The following CAST variants were observed in gnomAD, a reference collection of about 807,000 sequenced individuals.
CAST encodes the protein MIR583 host.
CAST carries 76 observed loss-of-function variants against 119.6 expected under a neutral mutation model. The ratio of observed to expected loss-of-function variants is 0.64; its 90% CI spans 0.53 to 0.77. The LOEUF (loss-of-function observed/expected upper bound fraction) is 0.77, where lower values mean the gene tolerates loss of function less well. CAST is among the 30% of genes least tolerant of loss of function. The pLI, the probability that CAST is intolerant of heterozygous loss-of-function variation, is 0.00. For synonymous variants in CAST, 319 were observed against 331.6 expected (o/e 0.96, Z 0.41); for missense variants, 953 against 946.5 (o/e 1.01, Z -0.09).
chr5:96,468,341 C>T, the CAST span, among the ~76,000 whole-genome samples: 1 of 152,022 alleles, frequency 6.6e-6, no homozygotes, highest in Non-Finnish European at 1.5e-5. Flanking sequence ...ACAATTCATC[C>T]ATGTAACCAA....
chr5:95,994,717 A>G, the CAST span, among the ~76,000 whole-genome samples: 1 of 152,164 alleles, frequency 6.6e-6, no homozygotes, highest in Admixed American at 6.6e-5. Context: ...AGAAAAAGTT[A>G]ATTGTACCTA....
the CAST span, among the ~76,000 whole-genome samples, chr5:96,386,462 G>A: frequency 1.3e-5 from 2 of 152,118 alleles, no homozygotes; most frequent in African/African-American, 2.4e-5. Flanking sequence ...CAATTCACGA[G>A]GCCACATAAT....
the CAST span, among the ~76,000 whole-genome samples, chr5:96,332,410 T>G: frequency 6.6e-6 from 1 of 151,506 alleles, no homozygotes; most frequent in Non-Finnish European, 1.5e-5. Context: ...TTAAATTGAT[T>G]TCGGCTTTTT....
chr5:96,425,747 A>G, the CAST span: 20 of 814,022 alleles, frequency 2.5e-5, no homozygotes. Context: ...AAAAAAATCC[A>G]TGTTGCAAAT....
intron 1 of CAST, among the ~76,000 whole-genome samples, chr5:96,640,578 A>C (rs2150203260): frequency 6.6e-6 from 1 of 152,294 alleles, no homozygotes; most frequent in South Asian, 2.1e-4. Context: ...CCTTTCCACA[A>C]GAGCCCTTGG....
At chr5:96,104,355 T>A in the CAST span, among the ~76,000 whole-genome samples, 1 of 152,254 alleles carries the variant, frequency 6.6e-6, no homozygotes, top group African/African-American at 2.4e-5. Flanking sequence ...TTCTAGGGTT[T>A]TTATGGTTTT....
upstream of CAST, among the ~76,000 whole-genome samples, chr5:96,522,894 C>T (rs1332037654): frequency 2.0e-5 from 3 of 152,176 alleles, no homozygotes; most frequent in African/African-American, 4.8e-5. Flanking sequence ...AAGGGAGAGT[C>T]GGGCACCCAA....
the CAST span, among the ~76,000 whole-genome samples, chr5:96,021,490 G>A: frequency 6.6e-6 from 1 of 151,760 alleles, no homozygotes; most frequent in Non-Finnish European, 1.5e-5. Flanking sequence ...CTGTTGCCCA[G>A]GCTGGAGTGC....
chr5:96,248,352 G>A, the CAST span, among the ~76,000 whole-genome samples: 2 of 152,208 alleles, frequency 1.3e-5, no homozygotes, highest in South Asian at 2.1e-4. Flanking sequence ...AGCTAAATGA[G>A]ATAGTATCCA....
chr5:96,198,927 A>C, the CAST span, among the ~76,000 whole-genome samples: 1 of 152,144 alleles, frequency 6.6e-6, no homozygotes, highest in Non-Finnish European at 1.5e-5. Context: ...GTTCCATATC[A>C]TTCCTAGACT....
chr5:96,655,786 G>T (rs950901183), intron 1 of CAST, among the ~76,000 whole-genome samples: 4 of 152,194 alleles, frequency 2.6e-5, no homozygotes, highest in African/African-American at 9.7e-5. Context: ...AACAGAAGTT[G>T]AATATCAGAA....
the CAST span, among the ~76,000 whole-genome samples, chr5:96,297,830 G>T: frequency 2.0e-5 from 3 of 151,944 alleles, no homozygotes; most frequent in South Asian, 6.2e-4. Context: ...AGTTTATGGT[G>T]TCTTTCCTAT....
chr5:96,589,314 A>T (rs978850944), intron 1 of CAST, among the ~76,000 whole-genome samples: 16 of 152,192 alleles, frequency 1.1e-4, no homozygotes, highest in Non-Finnish European at 2.9e-5. Context: ...TCTGGCAAAA[A>T]TTTCCAAAAT....
the CAST span, among the ~76,000 whole-genome samples, chr5:95,975,357 C>T: frequency 6.6e-6 from 1 of 152,110 alleles, no homozygotes; most frequent in Non-Finnish European, 1.5e-5. Context: ...CTTTAGGTCC[C>T]TGGGCCCCAG....
At chr5:96,488,110 G>C in the CAST span, among the ~76,000 whole-genome samples, 1 of 152,168 alleles carries the variant, frequency 6.6e-6, no homozygotes, top group Admixed American at 6.5e-5. Flanking sequence ...CTTCAGAACA[G>C]AATCAAGTGA....
the CAST span, among the ~76,000 whole-genome samples, chr5:96,119,453 T>C: frequency 2.6e-5 from 4 of 152,152 alleles, no homozygotes; most frequent in Non-Finnish European, 5.9e-5. Flanking sequence ...TGTGCATTCC[T>C]AAGTGGCAAA....
intron 2 of CAST, among the ~76,000 whole-genome samples, chr5:96,692,858 C>A (rs1752887553): frequency 1.3e-5 from 2 of 152,220 alleles, no homozygotes; most frequent in South Asian, 4.1e-4. Context: ...GGAGCTTTTT[C>A]TGTTTAATTG....
At chr5:96,599,900 C>G (rs1380841964) in intron 1 of CAST, among the ~76,000 whole-genome samples, 1 of 148,078 alleles carries the variant, frequency 6.8e-6, no homozygotes, top group African/African-American at 2.5e-5. Flanking sequence ...CCTCAAAGAG[C>G]TTATTTAATT....
chr5:96,681,957 T>A (rs1751484306), intron 2 of CAST, among the ~76,000 whole-genome samples: 1 of 137,512 alleles, frequency 7.3e-6, no homozygotes, highest in Non-Finnish European at 1.5e-5. Context: ...TACAATGAGA[T>A]ATTTTGAGAG....
Sources: gnomAD v4.1 joint callset for allele counts (sites outside exome capture counted in the v4.1 genomes callset) on GRCh38, gnomAD v4.1.1 for gene constraint, MANE v1.5 for transcripts, NCBI Gene and HGNC (gene_info 2026-07-23, HGNC 2026-07-21) for gene names.